The following C5orf22 variants were observed in gnomAD, a reference collection of about 807,000 sequenced individuals.
The protein encoded by C5orf22 is UPF0489 protein C5orf22.
In C5orf22, 36 loss-of-function variants were observed where a neutral mutation model predicts 48.7. The observed-to-expected ratio is 0.74, with a 90% CI of 0.57 to 0.98. The LOEUF is 0.98. Among genes scored for constraint, C5orf22 ranks in the 50% least tolerant of loss-of-function variants. The pLI is 0.00. For synonymous variants in C5orf22, 141 were observed against 180.8 expected (o/e 0.78, Z 1.76); for missense variants, 486 against 521.9 (o/e 0.93, Z 0.67).
At chr5:31,537,098 C>T (rs1454713571) in intron 3 of C5orf22, among the ~76,000 whole-genome samples, 1 of 152,154 alleles carries the variant, frequency 6.6e-6, no homozygotes, top group Non-Finnish European at 1.5e-5. Flanking sequence ...ATTGTACATA[C>T]TACTGGTATA....
At chr5:31,540,159 T>A (rs1356947941) in intron 4 of C5orf22, among the ~76,000 whole-genome samples, 1 of 152,210 alleles carries the variant, frequency 6.6e-6, no homozygotes, top group East Asian at 1.9e-4. Flanking sequence ...GACCCATAGT[T>A]TCTTCAAGTA....
chr5:31,541,423 T>C (rs746508328), intron 6 of C5orf22, 21 bp downstream of exon 6: 1 of 1,610,134 alleles, frequency 6.2e-7, no homozygotes, highest in African/African-American at 1.3e-5. Flanking sequence ...CAAACATTTT[T>C]TTCCCCCAAC....
chr5:31,541,454 G>A, intron 6 of C5orf22, 52 bp downstream of exon 6: 1 of 1,582,828 alleles, frequency 6.3e-7, no homozygotes, highest in Non-Finnish European at 8.6e-7. Flanking sequence ...TTCAGTCCTA[G>A]ATATGTTCCT....
rs535047024 is a variant in C5orf22, at chr5:31,553,154, T to C, written c.*252T>C. On this transcript the variant is annotated 3_prime_UTR_variant, in exon 9 of 9. Transcript: ENST00000325366. Reference sequence around the variant, plus strand: ...TCCTTAAGTATTTTTTAGGGTTTTGTTTTTTTTTTTGTTTGTTTGTTTGTT... The same window carrying C: ...TCCTTAAGTATTTTTTAGGGTTTTGCTTTTTTTTTTGTTTGTTTGTTTGTT... The C allele has an allele frequency of 3.8e-6, 1 of 260,080 alleles. No individual in the cohort carries two copies. Among genetic ancestry groups the C allele is most frequent in the African/African-American group, 2.3e-5 (1 of 43,892 alleles). 16.1% of individuals were successfully genotyped at this position (260,080 alleles called of 1,614,324 possible). A position where few individuals can be genotyped will look rare whatever the true frequency, so the allele number is the denominator to read the frequency against.
chr5:31,535,645 C>A, intron 2 of C5orf22, 99 bp from the exon 3 acceptor site: 1 of 922,872 alleles, frequency 1.1e-6, no homozygotes, highest in Non-Finnish European at 1.6e-6. Context: ...CTAGGGACCA[C>A]ACTTTGAGAC....
In C5orf22 at chr5:31,541,356, G is replaced by T. The variant is rs771269573; in HGVS notation, c.946G>T (p.Asp316Tyr). ...AGAAGCCACTTTCGCTGATTTGTGTGATGGTGATGATGAAGAAACGGTACA... is the reference window on the plus strand; with the variant it reads ...AGAAGCCACTTTCGCTGATTTGTGTTATGGTGATGATGAAGAAACGGTACA... ...DLEATFADLCDGDDEETVQRW... is the reference protein window; with the variant it reads ...DLEATFADLCYGDDEETVQRW... Residue 316 changes from aspartate to tyrosine, a missense_variant, in exon 6 of 9, where the codon GAT becomes TAT. Around this residue, in one of 3 missense-constraint regions of C5orf22, gnomAD observed 408 missense variants for 444.0 expected, o/e 0.92. Transcript: ENST00000325366. The T allele has an allele frequency of 6.2e-7, 1 of 1,614,036 alleles. No homozygotes were observed. The highest frequency in any genetic ancestry group is 8.5e-7 in the Non-Finnish European group (1 of 1,179,942).
chr5:31,545,869 C>T (rs577095586), intron 7 of C5orf22, among the ~76,000 whole-genome samples, 157 bp downstream of exon 7: 16 of 152,106 alleles, frequency 1.1e-4, no homozygotes, highest in Admixed American at 9.8e-4. Context: ...AAAATACATA[C>T]GTTGAAACAG....
intron 3 of C5orf22, among the ~76,000 whole-genome samples, chr5:31,538,013 CTTAAT>C (rs1273414998): frequency 6.6e-6 from 1 of 152,234 alleles, no homozygotes; most frequent in Non-Finnish European, 1.5e-5. Context: ...AACCACCGGC[CTTAAT>C]TTAATCACAT....
chr5:31,547,068 A>C (rs1742930510), intron 7 of C5orf22, among the ~76,000 whole-genome samples: 1 of 152,268 alleles, frequency 6.6e-6, no homozygotes, highest in African/African-American at 2.4e-5. Flanking sequence ...CTTCCTAGAT[A>C]CAATGGATGT....
rs188482348 is a variant in C5orf22 at position 31,533,360 on chromosome 5, G to T, written c.81+887G>T. On this transcript the variant is annotated intron_variant, in intron 1 of 8. Transcript: ENST00000325366. ...GTGCTGATTTACAGTAGCCAAATTGGTGTCTTAATCTAGACTTTTCCAAGT... is the reference window on the plus strand; with the variant it reads ...GTGCTGATTTACAGTAGCCAAATTGTTGTCTTAATCTAGACTTTTCCAAGT... Among the ~76,000 whole-genome samples the T allele has an allele frequency of 3.4e-3, 514 of 152,282 alleles. 1 individual carries two copies. Among genetic ancestry groups the T allele is most frequent in the African/African-American group, 0.012 (490 of 41,562 alleles).
Position 31,552,968 on chromosome 5 carries a change from G to T in C5orf22, c.*66G>T, listed in dbSNP as rs1337210779. On this transcript the variant is annotated 3_prime_UTR_variant, in exon 9 of 9. Coordinates refer to ENST00000325366, the MANE Select transcript of C5orf22 (RefSeq NM_018356.3). ...TAACAGGCCCTTAATTAACTTATTT[G>T]TACATGAGTCTTCCAGAGAACACTG... The T allele has an allele frequency of 7.1e-7, 1 of 1,411,560 alleles. No homozygotes were observed. Among genetic ancestry groups the T allele is most frequent in the Non-Finnish European group, 9.9e-7 (1 of 1,015,012 alleles). 87.4% of individuals were successfully genotyped at this position (1,411,560 alleles called of 1,614,324 possible).
chr5:31,551,822 A>G (rs922855294), intron 8 of C5orf22, among the ~76,000 whole-genome samples: 1 of 152,178 alleles, frequency 6.6e-6, no homozygotes, highest in African/African-American at 2.4e-5. Flanking sequence ...AAACTATATA[A>G]TAAATTAGTG....
intron 5 of C5orf22, 94 bp downstream of exon 5, chr5:31,541,105 A>AGTGTGTGTGTGTGTGTGTGT (rs35650579): frequency 1.6e-6 from 1 of 644,974 alleles, no homozygotes; most frequent in Admixed American, 2.8e-5. Context: ...GACTGCTCAA[A>AGTGTGTGTGTGTGTGTGTGT]GTGTGTGTGT....
Position 31,532,407 on chromosome 5 carries a change from G to T in C5orf22, c.15G>T (p.Ala5=). 6.2e-7 allele frequency: 1 copy of T among 1,613,944 alleles called. No individual in the cohort carries two copies. Among genetic ancestry groups the T allele is most frequent in the Non-Finnish European group, 8.5e-7 (1 of 1,179,944 alleles). MSDS[A]GGRAGLRRYP... Reference sequence around the variant, plus strand: ...GGCGCAAAAACATGAGTGACTCCGCGGGAGGGCGCGCTGGTCTCCGGCGTT... The same window carrying T: ...GGCGCAAAAACATGAGTGACTCCGCTGGAGGGCGCGCTGGTCTCCGGCGTT... The change falls in exon 1 of 9, where the codon GCG becomes GCT. Residue 5 remains alanine (A), a synonymous_variant. Transcript: ENST00000325366.
At position 31,534,278 on chromosome 5, in the gene C5orf22, C is replaced by T; in HGVS notation, c.88C>T (p.Pro30Ser). 1 of 1,611,958 alleles carries T rather than the reference C, an allele frequency of 6.2e-7. No homozygotes were observed. Among genetic ancestry groups the T allele is most frequent in the Non-Finnish European group, 8.5e-7 (1 of 1,179,210 alleles). ...GTGCCTGTGTCTTTTACAGGTTCTA[C>T]CCTTTATATACCGGGCCATAGGCTC... is the stretch of plus-strand genomic sequence containing the variant. Reference protein sequence around the residue: ...WVVEDHQEVLPFIYRAIGSKH... With the variant: ...WVVEDHQEVLSFIYRAIGSKH... The change falls in exon 2 of 9, where the codon CCC (proline) becomes TCC (serine). Residue 30 changes from proline (P) to serine (S), a missense_variant. This residue lies in a region of C5orf22 where 74 missense variants were observed against 61.2 expected (regional missense o/e 1.21). Coordinates refer to ENST00000325366, the MANE Select transcript of C5orf22 (RefSeq NM_018356.3).
rs1171864930 is a variant in C5orf22, at chr5:31,552,855, G to A, written c.1282G>A (p.Gly428Arg). 6.2e-7 allele frequency: 1 copy of A among 1,613,758 alleles called. No individual in the cohort carries two copies. Among genetic ancestry groups the A allele is most frequent in the East Asian group, 2.2e-5 (1 of 44,852 alleles). Residue 428 changes from glycine to arginine, a missense_variant, in exon 9 of 9, where the codon GGA becomes AGA. Coordinates refer to ENST00000325366, the MANE Select transcript of C5orf22 (RefSeq NM_018356.3). ...CCTCAATATGCTACGTGCCCTCTATGGAAATCTAGACCTCCAAGTGTATGC... is the reference window on the plus strand; with the variant it reads ...CCTCAATATGCTACGTGCCCTCTATAGAAATCTAGACCTCCAAGTGTATGC... ...KVLNMLRALY[G>R]NLDLQVYAAE...
At chr5:31,547,526 T>G (rs1742971761) in intron 7 of C5orf22, among the ~76,000 whole-genome samples, 2 of 152,266 alleles carry the variant, frequency 1.3e-5, no homozygotes, top group Admixed American at 6.5e-5. Context: ...AGCAAACTTC[T>G]GCCTGGGCAT....
At chr5:31,552,239 A>G (rs1743325525) in intron 8 of C5orf22, among the ~76,000 whole-genome samples, 1 of 152,224 alleles carries the variant, frequency 6.6e-6, no homozygotes, top group South Asian at 2.1e-4. Flanking sequence ...ACTGCCTAGG[A>G]AAGTAAATCC....
chr5:31,535,976 C>T, intron 3 of C5orf22, 83 bp downstream of exon 3: 1 of 1,375,114 alleles, frequency 7.3e-7, no homozygotes, highest in Non-Finnish European at 1.0e-6. Flanking sequence ...TCATAAGTCT[C>T]TGCACACAAA....
Sources: allele counts gnomAD v4.1 joint callset (sites outside exome capture counted in the v4.1 genomes callset), GRCh38; gene constraint gnomAD v4.1.1; regional missense constraint gnomAD v4.1.1; transcripts MANE v1.5; gene names NCBI Gene and HGNC (gene_info 2026-07-23, HGNC 2026-07-21).